MAGI2: variants seen among roughly 807,000 people sequenced by gnomAD.
The protein encoded by MAGI2 is membrane-associated guanylate kinase, WW and PDZ domain-containing protein 2.
A neutral mutation model predicts 133.3 loss-of-function variants in MAGI2; 35 were observed. The ratio of observed to expected loss-of-function variants is 0.26; its 90% CI spans 0.20 to 0.35. The LOEUF is 0.35. MAGI2 is among the 10% of genes least tolerant of loss of function. MAGI2 has a pLI of 1.00. For synonymous variants in MAGI2, 729 were observed against 710.6 expected, an observed-to-expected ratio of 1.03 and a Z score of -0.41; for missense variants, 1,636 against 1,863.4, an observed-to-expected ratio of 0.88 and a Z score of 2.25.
chr7:78,557,085 A>AAAAAAAAAAAAAAAAG (rs1799904198), intron 3 of MAGI2, among the ~76,000 whole-genome samples: 1 of 144,330 alleles, frequency 6.9e-6, no homozygotes, highest in Non-Finnish European at 1.5e-5. Flanking sequence ...AGTCTCAAAA[A>AAAAAAAAAAAAAAAAG]AAAAAAAAAA....
At chr7:78,268,041 A>C (rs1794189620) in intron 9 of MAGI2, among the ~76,000 whole-genome samples, 1 of 152,146 alleles carries the variant, frequency 6.6e-6, no homozygotes, top group South Asian at 2.1e-4. Flanking sequence ...GTAAATATAC[A>C]TGTAGATAGG....
At chr7:78,789,206 A>G (rs956790006) in intron 2 of MAGI2, among the ~76,000 whole-genome samples, 4 of 152,236 alleles carry the variant, frequency 2.6e-5, no homozygotes, top group Admixed American at 1.3e-4. Flanking sequence ...AAGATTTAGA[A>G]TTAAAAAAAC....
chr7:78,943,057 T>C (rs1038543198), intron 2 of MAGI2, among the ~76,000 whole-genome samples: 17 of 152,102 alleles, frequency 1.1e-4, no homozygotes, highest in Non-Finnish European at 2.1e-4. Context: ...AGCATGGGCA[T>C]GCTATTTTAC....
At chr7:78,919,133 C>T (rs532701016) in intron 2 of MAGI2, among the ~76,000 whole-genome samples, 3 of 152,134 alleles carry the variant, frequency 2.0e-5, no homozygotes, top group African/African-American at 7.2e-5. Context: ...ATAAACCTAC[C>T]CAAGCCATTA....
intron 6 of MAGI2, among the ~76,000 whole-genome samples, chr7:78,409,825 C>T (rs1357255282): frequency 1.3e-5 from 2 of 151,958 alleles, no homozygotes; most frequent in Non-Finnish European, 2.9e-5. Context: ...TGGCGCATTC[C>T]TAATAAAAGA....
chr7:78,932,169 C>A (rs1800182181), intron 2 of MAGI2, among the ~76,000 whole-genome samples: 1 of 152,044 alleles, frequency 6.6e-6, no homozygotes, highest in Non-Finnish European at 1.5e-5. Flanking sequence ...GCCTGATACA[C>A]CAATGTCAAG....
rs1815623165 is a variant in MAGI2, at chr7:78,078,696, A to C, written c.3706+251T>G. The C allele has an allele frequency of 5.1e-6, 3 of 583,622 alleles. No homozygotes were observed. In the East Asian group the frequency reaches 8.9e-5, roughly 17 times the overall value. The allele number at this position is 583,622 out of a possible 1,614,324, so 36.2% of individuals were successfully genotyped here. The stretch of plus-strand genomic sequence containing the variant: ...TCACAGATGCCCTGAAAGGTCCTAC[A>C]TTTCATATTTTAAACATTCCTTAAT... On this transcript the variant is annotated intron_variant, in intron 21 of 21. Coordinates refer to ENST00000354212, the MANE Select transcript of MAGI2 (RefSeq NM_012301.4).
chr7:78,857,961 T>G lies in MAGI2; in HGVS notation c.418+149129A>C, dbSNP rs534100977. On this transcript the variant is annotated intron_variant, in intron 2 of 21. Transcript: ENST00000354212. ...TATTGATCTAGTCAGCGATTCAGCTTCTTCCTGGTTTAGTCTTGGGAGGGT... is the reference window on the plus strand; with the variant it reads ...TATTGATCTAGTCAGCGATTCAGCTGCTTCCTGGTTTAGTCTTGGGAGGGT... Among the ~76,000 whole-genome samples, 145 of 152,346 alleles carry G rather than the reference T, an allele frequency of 9.5e-4. 1 individual carries two copies. Among genetic ancestry groups the G allele is most frequent in the Non-Finnish European group, 1.3e-3 (87 of 68,030 alleles).
chr7:78,657,928 A>G (rs550793064), intron 2 of MAGI2, among the ~76,000 whole-genome samples: 4 of 152,266 alleles, frequency 2.6e-5, no homozygotes, highest in African/African-American at 9.6e-5. Context: ...AAATCTCTGT[A>G]CCTTCTGCTC....
intron 2 of MAGI2, among the ~76,000 whole-genome samples, chr7:78,649,230 AAAAAAG>A (rs1811249255): frequency 1.2e-5 from 1 of 80,920 alleles, no homozygotes; most frequent in Non-Finnish European, 2.5e-5. Flanking sequence ...GGTAAAAAAA[AAAAAAG>A]AAAAAAAAAG....
intron 1 of MAGI2, among the ~76,000 whole-genome samples, chr7:79,171,082 G>T (rs547333747): frequency 6.4e-4 from 98 of 152,180 alleles, no homozygotes; most frequent in African/African-American, 2.3e-3. Context: ...ATATTAGTTT[G>T]CTAGGGCTGC....
intron 2 of MAGI2, among the ~76,000 whole-genome samples, chr7:78,857,983 G>A (rs971087867): frequency 2.6e-5 from 4 of 152,130 alleles, no homozygotes; most frequent in African/African-American, 9.7e-5. Context: ...AGTCTTGGGA[G>A]GGTGTATGTG....
At position 78,330,615 on chromosome 7, in the gene MAGI2, CAAAAAAA is replaced by C. The variant is rs4024122; in HGVS notation, c.1408+13156_1408+13162del. On this transcript the variant is annotated intron_variant, in intron 9 of 21. Transcript: ENST00000354212. ...CCTGGGCGACAGCGAGACTCCGTCT[CAAAAAAA>C]AAAAAAAAAAAAAAAAAAAAAAGAA... Among the ~76,000 whole-genome samples, 38 of 6,934 alleles carry C rather than the reference CAAAAAAA, an allele frequency of 5.5e-3. 1 individual carries two copies. The highest frequency in any genetic ancestry group is 0.05 in the East Asian group (23 of 458). The allele number at this position is 6,934 out of a possible 152,430, so 4.5% of individuals were successfully genotyped here. A position where few individuals can be genotyped will look rare whatever the true frequency, so the allele number is the denominator to read the frequency against.
At chr7:79,181,454 C>T (rs1196811554) in intron 1 of MAGI2, among the ~76,000 whole-genome samples, 1 of 151,940 alleles carries the variant, frequency 6.6e-6, no homozygotes. Flanking sequence ...CTGTTAGTCA[C>T]AGCTAGAGCA....
intron 6 of MAGI2, among the ~76,000 whole-genome samples, chr7:78,445,138 C>T (rs988539722): frequency 3.3e-5 from 5 of 151,954 alleles, no homozygotes; most frequent in East Asian, 1.9e-4. Flanking sequence ...TCAGACCTAA[C>T]GGCTCTAGCT....
chr7:78,890,858 G>T (rs564219505), intron 2 of MAGI2, among the ~76,000 whole-genome samples: 18 of 152,050 alleles, frequency 1.2e-4, no homozygotes, highest in African/African-American at 4.3e-4. Flanking sequence ...GCTAGCAGAA[G>T]GCAAGAAATA....
intron 2 of MAGI2, among the ~76,000 whole-genome samples, chr7:78,688,466 T>C (rs984994958): frequency 6.6e-6 from 1 of 152,130 alleles, no homozygotes; most frequent in African/African-American, 2.4e-5. Flanking sequence ...CAAAAAAAAA[T>C]GTGGTCCTAG....
intron 1 of MAGI2, among the ~76,000 whole-genome samples, chr7:79,030,922 G>A (rs1810510239): frequency 6.6e-6 from 1 of 152,182 alleles, no homozygotes; most frequent in Non-Finnish European, 1.5e-5. Flanking sequence ...AGCTTGGAAT[G>A]ATATGGAACT....
chr7:78,666,708 CTCAA>C (rs2151058315), intron 2 of MAGI2, among the ~76,000 whole-genome samples: 1 of 152,284 alleles, frequency 6.6e-6, no homozygotes, highest in East Asian at 1.9e-4. Flanking sequence ...ATGAATAATA[CTCAA>C]TTTGATTCTT....
Sources: gnomAD v4.1 joint callset for allele counts (sites outside exome capture counted in the v4.1 genomes callset) on GRCh38, gnomAD v4.1.1 for gene constraint, MANE v1.5 for transcripts, NCBI Gene and HGNC (gene_info 2026-07-23, HGNC 2026-07-21) for gene names.